The following ADAM22 variants were observed in gnomAD, a reference collection of about 807,000 sequenced individuals.
The protein encoded by ADAM22 is disintegrin and metalloproteinase domain-containing protein 22.
Under a neutral mutation model 144.6 loss-of-function variants are expected in ADAM22, and 65 were observed. The ratio of observed to expected loss-of-function variants is 0.45; its 90% confidence interval spans 0.37 to 0.55. The LOEUF (loss-of-function observed/expected upper bound fraction) is 0.55. Among genes scored for constraint, ADAM22 ranks in the 20% least tolerant of loss-of-function variants. ADAM22 has a pLI of 0.00. For synonymous variants in ADAM22, 391 were observed against 412.6 expected (o/e 0.95, Z 0.63); for missense variants, 974 against 1,184.9 (o/e 0.82, Z 2.61).
At chr7:88,023,257 G>T (rs1001478335) in intron 3 of ADAM22, among the ~76,000 whole-genome samples, 5 of 151,932 alleles carry the variant, frequency 3.3e-5, no homozygotes, top group African/African-American at 1.2e-4. Flanking sequence ...TTTATTTATT[G>T]ATATTGTTTT....
At chr7:88,177,240 G>A (rs1209679543) in intron 26 of ADAM22, among the ~76,000 whole-genome samples, 1 of 151,484 alleles carries the variant, frequency 6.6e-6, no homozygotes, top group Non-Finnish European at 1.5e-5. Flanking sequence ...TTCTCCCCAA[G>A]GCAAAAACTA....
chr7:87,952,405 G>A (rs1324470752), intron 2 of ADAM22, among the ~76,000 whole-genome samples: 1 of 152,130 alleles, frequency 6.6e-6, no homozygotes, highest in African/African-American at 2.4e-5. Context: ...ATAATCATAT[G>A]GTTTTTGTCT....
chr7:88,091,384 A>G (rs1819801557), intron 4 of ADAM22, among the ~76,000 whole-genome samples: 2 of 152,194 alleles, frequency 1.3e-5, no homozygotes, highest in Non-Finnish European at 1.5e-5. Flanking sequence ...AATATTATAT[A>G]TTCCTATAAG....
Position 88,108,503 on chromosome 7 carries a change from C to T in ADAM22, c.473+245C>T, listed in dbSNP as rs564275177. 2.0e-5 allele frequency among the ~76,000 whole-genome samples: 3 copies of T among 151,954 alleles called. No individual in the cohort carries two copies. In the East Asian group the frequency reaches 5.8e-4, roughly 30 times the overall value. ...AGCACTTTGGGGGGGTCTAGGCAGG[C>T]AGATCACCTGAGGTCAGGAGTTCGA... is the stretch of plus-strand genomic sequence containing the variant. On this transcript the variant is annotated intron_variant, in intron 5 of 31. Transcript: ENST00000413139.
chr7:87,944,230 A>C (rs1843015204), intron 2 of ADAM22, among the ~76,000 whole-genome samples: 1 of 151,706 alleles, frequency 6.6e-6, no homozygotes. Flanking sequence ...ATTTGAACCT[A>C]GGCACTTCAA....
intron 5 of ADAM22, among the ~76,000 whole-genome samples, chr7:88,111,894 T>G (rs1163168383): frequency 6.6e-6 from 1 of 152,238 alleles, no homozygotes; most frequent in African/African-American, 2.4e-5. Flanking sequence ...TGTCTTCATA[T>G]TGCCTACATG....
chr7:88,042,801 C>T (rs1330601787), intron 3 of ADAM22, among the ~76,000 whole-genome samples: 1 of 151,486 alleles, frequency 6.6e-6, no homozygotes, highest in East Asian at 1.9e-4. Flanking sequence ...ATATCTTGTT[C>T]TTGAGTGTGA....
intron 21 of ADAM22, 102 bp downstream of exon 21, chr7:88,153,428 GCTC>G: frequency 3.3e-6 from 3 of 907,992 alleles, no homozygotes; most frequent in Non-Finnish European, 5.1e-6. Context: ...CACAAAGTGT[GCTC>G]TTGCCTCCTT....
intron 2 of ADAM22, among the ~76,000 whole-genome samples, chr7:87,942,730 G>A (rs899753774): frequency 6.6e-5 from 10 of 152,096 alleles, no homozygotes; most frequent in African/African-American, 2.2e-4. Flanking sequence ...TGTCCTATTT[G>A]TTTGTAGATA....
chr7:88,057,127 CTT>C (rs75042550), intron 3 of ADAM22, among the ~76,000 whole-genome samples: 4,847 of 148,148 alleles, frequency 0.033, 285 homozygotes, highest in African/African-American at 0.11. Context: ...ATTATTGAAT[CTT>C]TTTTTTTTTT....
chr7:88,083,371 GA>G (rs1817444941), intron 4 of ADAM22, among the ~76,000 whole-genome samples: 2 of 151,960 alleles, frequency 1.3e-5, no homozygotes, highest in African/African-American at 4.8e-5. Flanking sequence ...ATAGCATTAG[GA>G]GATATACCTA....
chr7:88,040,510 T>G (rs1188701473), intron 3 of ADAM22, among the ~76,000 whole-genome samples: 1 of 152,126 alleles, frequency 6.6e-6, no homozygotes, highest in Non-Finnish European at 1.5e-5. Flanking sequence ...CTGTAAGTGG[T>G]TCTGTCTATA....
At chr7:88,079,729 A>C (rs947019679) in intron 4 of ADAM22, among the ~76,000 whole-genome samples, 1 of 152,228 alleles carries the variant, frequency 6.6e-6, no homozygotes, top group Non-Finnish European at 1.5e-5. Context: ...TTAAACCAAC[A>C]AAGATCAAAA....
At chr7:88,168,731 T>TA (rs1393383826) in intron 25 of ADAM22, among the ~76,000 whole-genome samples, 1 of 152,206 alleles carries the variant, frequency 6.6e-6, no homozygotes, top group African/African-American at 2.4e-5. Context: ...TTTAATAAGT[T>TA]AAAATGTAAA....
At chr7:88,078,767 T>G (rs562343281) in intron 4 of ADAM22, among the ~76,000 whole-genome samples, 7 of 152,118 alleles carry the variant, frequency 4.6e-5, no homozygotes, top group Non-Finnish European at 8.8e-5. Context: ...ATGAAATGAA[T>G]GAAATGAAGC....
At chr7:88,077,514 T>C (rs1814951616) in intron 4 of ADAM22, among the ~76,000 whole-genome samples, 2 of 152,042 alleles carry the variant, frequency 1.3e-5, no homozygotes, top group South Asian at 2.1e-4. Context: ...ATGGGTGCAG[T>C]GTACCGTGCG....
At chr7:88,083,837 T>C (rs1239083361) in intron 4 of ADAM22, among the ~76,000 whole-genome samples, 1 of 152,092 alleles carries the variant, frequency 6.6e-6, no homozygotes. Context: ...TAATTTATAT[T>C]ACTGCCTCCC....
At chr7:88,128,755 A>T (rs1384952714) in intron 9 of ADAM22, 79 bp downstream of exon 9, 2 of 1,165,352 alleles carry the variant, frequency 1.7e-6, no homozygotes, top group Non-Finnish European at 2.5e-6. Flanking sequence ...TAGAAAAAAC[A>T]AGAAGCCCAT....
intron 17 of ADAM22, 35 bp from the exon 18 acceptor site, chr7:88,148,942 C>T: frequency 1.3e-6 from 2 of 1,526,206 alleles, no homozygotes; most frequent in Admixed American, 3.7e-5. Context: ...TTTTTTCTCC[C>T]TACAGTTTCA....
Sources: allele counts gnomAD v4.1 joint callset (sites outside exome capture counted in the v4.1 genomes callset), GRCh38; gene constraint gnomAD v4.1.1; transcripts MANE v1.5; gene names NCBI Gene and HGNC (gene_info 2026-07-23, HGNC 2026-07-21).